Variants in KCNAB1 observed in about 807,000 individuals in gnomAD.
KCNAB1 encodes potassium voltage-gated channel subfamily A regulatory beta subunit 1.
KCNAB1 carries 35 observed loss-of-function variants against 64.6 expected under a neutral mutation model. That is an observed-to-expected ratio of 0.54 (90% CI 0.41 to 0.72). The LOEUF (loss-of-function observed/expected upper bound fraction) is 0.72. KCNAB1 is among the 30% of genes least tolerant of loss of function. The pLI is 0.00. For missense variants in KCNAB1, 401 were observed against 512.9 expected (o/e 0.78, Z 2.11); for synonymous variants, 177 against 183.8 (o/e 0.96, Z 0.30).
At position 156,194,744 on chromosome 3, in the gene KCNAB1, T is replaced by G. The variant is rs540236010; in HGVS notation, c.275+73858T>G. Among the ~76,000 whole-genome samples, 3 of 152,336 alleles carry G rather than the reference T, an allele frequency of 2.0e-5. No individual in the cohort carries two copies. In the South Asian group the frequency reaches 6.2e-4, roughly 32 times the overall value. ...CTTGAATTATCCAACACCTCGCTTATGCTCTGTGCATTCATTTTTAAATCT... is the reference window on the plus strand; with the variant it reads ...CTTGAATTATCCAACACCTCGCTTAGGCTCTGTGCATTCATTTTTAAATCT... On this transcript the variant is annotated intron_variant, in intron 1 of 13. Transcript: ENST00000490337.
intron 1 of KCNAB1, among the ~76,000 whole-genome samples, chr3:156,342,609 A>ATTTTTTTTTTTTTTTTTTTTAT (rs59689669): frequency 1.9e-5 from 2 of 104,694 alleles, no homozygotes; most frequent in Non-Finnish European, 3.9e-5. Flanking sequence ...TTTTTTTTTA[A>ATTTTTTTTTTTTTTTTTTTTAT]TTTTTTTTTT....
intron 2 of KCNAB1, 58 bp downstream of exon 2, chr3:156,421,717 A>G (rs1715476036): frequency 1.3e-6 from 2 of 1,509,246 alleles, no homozygotes; most frequent in Admixed American, 3.4e-5. Context: ...TGGGGAGGGC[A>G]CCAGGGAGTG....
chr3:156,301,187 C>G (rs1429671628), intron 1 of KCNAB1, among the ~76,000 whole-genome samples: 1 of 151,832 alleles, frequency 6.6e-6, no homozygotes, highest in East Asian at 1.9e-4. Flanking sequence ...TTAGCTTCCT[C>G]TTTAAACTAG....
intron 1 of KCNAB1, among the ~76,000 whole-genome samples, chr3:156,161,133 CT>C (rs1716051245): frequency 6.6e-6 from 1 of 152,194 alleles, no homozygotes; most frequent in Non-Finnish European, 1.5e-5. Context: ...AATTTATTAA[CT>C]GAGAGTAACC....
chr3:156,331,044 A>T (rs564696723), intron 1 of KCNAB1, among the ~76,000 whole-genome samples: 15 of 152,140 alleles, frequency 9.9e-5, no homozygotes, highest in Non-Finnish European at 1.9e-4. Context: ...GCCCAGGAAG[A>T]GGTTCTTGTG....
At chr3:156,528,066 A>C (rs1277159320) in intron 12 of KCNAB1, among the ~76,000 whole-genome samples, 2 of 152,126 alleles carry the variant, frequency 1.3e-5, no homozygotes, top group Non-Finnish European at 2.9e-5. Context: ...GGTGACCTCG[A>C]GTAGTCAGGT....
intron 1 of KCNAB1, among the ~76,000 whole-genome samples, chr3:156,248,897 C>T (rs938421643): frequency 6.6e-6 from 1 of 152,076 alleles, no homozygotes; most frequent in African/African-American, 2.4e-5. Context: ...GAGGGCAGTA[C>T]CTCTTTGGCT....
At chr3:156,382,088 C>G (rs554984166) in intron 1 of KCNAB1, 5 of 152,304 alleles carry the variant, frequency 3.3e-5, no homozygotes, top group African/African-American at 9.6e-5. Context: ...AGTTCCCCAA[C>G]ACACTGCCCA....
At chr3:156,244,423 C>T (rs1717339204) in intron 1 of KCNAB1, among the ~76,000 whole-genome samples, 2 of 152,210 alleles carry the variant, frequency 1.3e-5, no homozygotes, top group Admixed American at 1.3e-4. Flanking sequence ...AGATCCTTAA[C>T]ATAATTACAC....
intron 1 of KCNAB1, chr3:156,291,656 T>C (rs968646908): frequency 1.5e-6 from 2 of 1,378,696 alleles, no homozygotes; most frequent in Non-Finnish European, 1.9e-6. Context: ...TCCCTCCAGC[T>C]GCTGTGACAA....
intron 8 of KCNAB1, among the ~76,000 whole-genome samples, chr3:156,493,363 A>T (rs1172216694): frequency 6.6e-6 from 1 of 152,058 alleles, no homozygotes; most frequent in Non-Finnish European, 1.5e-5. Context: ...TTCTTTTTTT[A>T]AAAAATGAAT....
At chr3:156,410,950 T>G (rs879553299) in intron 1 of KCNAB1, among the ~76,000 whole-genome samples, 3 of 152,230 alleles carry the variant, frequency 2.0e-5, no homozygotes, top group Admixed American at 2.0e-4. Context: ...TAATTCACTT[T>G]GGTAAATACT....
chr3:156,279,327 T>A lies in KCNAB1; in HGVS notation c.276-142289T>A, dbSNP rs565381068. ...TTTTTTATGGCTGCATAGTATTCCA[T>A]GGTGTATATGTGCCACATTTTCTTA... On this transcript the variant is annotated intron_variant, in intron 1 of 13. Transcript: ENST00000490337. Among the ~76,000 whole-genome samples, 562 of 152,202 alleles carry A rather than the reference T, an allele frequency of 3.7e-3. 2 individuals are homozygous for A. Among genetic ancestry groups the A allele is most frequent in the Non-Finnish European group, 5.8e-3 (397 of 68,004 alleles).
intron 1 of KCNAB1, among the ~76,000 whole-genome samples, chr3:156,351,787 G>A (rs542538438): frequency 1.3e-5 from 2 of 152,310 alleles, no homozygotes; most frequent in African/African-American, 4.8e-5. Flanking sequence ...ACAGCCTCAG[G>A]CAATTCAGGG....
upstream of KCNAB1, among the ~76,000 whole-genome samples, chr3:156,119,834 A>G (rs1713238414): frequency 6.6e-6 from 1 of 152,158 alleles, no homozygotes; most frequent in Non-Finnish European, 1.5e-5. Flanking sequence ...CACTGGGCAC[A>G]CACATACACA....
At chr3:156,349,674 C>T (rs973714260) in intron 1 of KCNAB1, among the ~76,000 whole-genome samples, 1 of 152,194 alleles carries the variant, frequency 6.6e-6, no homozygotes, top group Non-Finnish European at 1.5e-5. Context: ...AATCCTCCCA[C>T]CTCAGCCTCC....
intron 1 of KCNAB1, among the ~76,000 whole-genome samples, chr3:156,410,216 C>T (rs1383703126): frequency 2.6e-5 from 4 of 152,140 alleles, no homozygotes; most frequent in Non-Finnish European, 4.4e-5. Flanking sequence ...TTTTATTTGT[C>T]AACCCTAGTA....
chr3:156,275,250 A>G (rs1003220488), intron 1 of KCNAB1, among the ~76,000 whole-genome samples: 2 of 152,256 alleles, frequency 1.3e-5, no homozygotes, highest in Non-Finnish European at 2.9e-5. Context: ...TAAATGTACA[A>G]TAGCATGTCT....
intron 1 of KCNAB1, among the ~76,000 whole-genome samples, chr3:156,134,593 T>TA (rs1714196238): frequency 6.6e-6 from 1 of 152,256 alleles, no homozygotes; most frequent in Admixed American, 6.5e-5. Context: ...ATTCAGTTGT[T>TA]ACTCTATTTG....
Sources: allele counts gnomAD v4.1 joint callset (sites outside exome capture counted in the v4.1 genomes callset), GRCh38; gene constraint gnomAD v4.1.1; transcripts MANE v1.5; gene names NCBI Gene and HGNC (gene_info 2026-07-23, HGNC 2026-07-21).